The following CAPRIN1 variants were observed in gnomAD, a reference collection of about 807,000 sequenced individuals.
CAPRIN1 encodes the protein cell cycle associated protein 1, also known as caprin-1.
CAPRIN1 carries 29 observed loss-of-function variants against 100.9 expected under a neutral mutation model. The ratio of observed to expected loss-of-function variants is 0.29; its 90% CI spans 0.21 to 0.39. The LOEUF (loss-of-function observed/expected upper bound fraction) is 0.39. Among genes scored for constraint, CAPRIN1 ranks in the 10% least tolerant of loss-of-function variants. The pLI is 1.00. For missense variants in CAPRIN1, 795 were observed against 876.7 expected, an observed-to-expected ratio of 0.91 and a Z score of 1.18; for synonymous variants, 338 against 307.5, an observed-to-expected ratio of 1.10 and a Z score of -1.04.
At chr11:34,063,674 G>C (rs1380004649) in intron 2 of CAPRIN1, among the ~76,000 whole-genome samples, 1 of 152,184 alleles carries the variant, frequency 6.6e-6, no homozygotes, top group Non-Finnish European at 1.5e-5. Flanking sequence ...TATGTGTGCT[G>C]TAAATGGATT....
intron 2 of CAPRIN1, chr11:34,052,869 A>G (rs1565078953): frequency 7.8e-6 from 11 of 1,410,214 alleles, no homozygotes; most frequent in South Asian, 1.5e-5. Flanking sequence ...ACTGTACCCC[A>G]GGCCTCTTTA....
intron 2 of CAPRIN1, chr11:34,053,487 G>C (rs1850379315): frequency 6.6e-6 from 1 of 152,558 alleles, no homozygotes; most frequent in African/African-American, 2.4e-5. Flanking sequence ...CGGCGGCTGC[G>C]GGGAGAGGGA....
chr11:34,065,948 C>CT (rs968097317), intron 2 of CAPRIN1, among the ~76,000 whole-genome samples: 4 of 152,104 alleles, frequency 2.6e-5, no homozygotes, highest in Admixed American at 2.6e-4. Context: ...ATGAAACTTT[C>CT]TTTTTTTATT....
intron 2 of CAPRIN1, among the ~76,000 whole-genome samples, chr11:34,057,662 C>T (rs975975996): frequency 7.2e-5 from 11 of 152,066 alleles, no homozygotes; most frequent in Admixed American, 6.5e-5. Flanking sequence ...AAACTTATAG[C>T]AATTTTGTCA....
rs1187085177 is a variant in CAPRIN1 at position 34,098,912 on chromosome 11, A to G, written c.2066-391A>G. ...TTTTGATAGTATGATGTTACTTACTACTGAAATGTAAGCTAGAGTGTACAC... is the reference window on the plus strand; with the variant it reads ...TTTTGATAGTATGATGTTACTTACTGCTGAAATGTAAGCTAGAGTGTACAC... On this transcript the variant is annotated intron_variant, in intron 18 of 18. Coordinates refer to ENST00000341394, the MANE Select transcript of CAPRIN1 (RefSeq NM_005898.5). The G allele has an allele frequency of 4.9e-6, 5 of 1,014,410 alleles. No individual in the cohort carries two copies. In the African/African-American group the frequency reaches 5.1e-5, roughly 10 times the overall value. The allele number at this position is 1,014,410 out of a possible 1,614,324, so 62.8% of individuals were successfully genotyped here. A position where few individuals can be genotyped will look rare whatever the true frequency, so the allele number is the denominator to read the frequency against.
Position 34,096,660 on chromosome 11 carries a change from C to T in CAPRIN1, c.1887C>T (p.Ala629=). 1 of 1,599,040 alleles carries T rather than the reference C, an allele frequency of 6.3e-7. No individual in the cohort carries two copies. Among genetic ancestry groups the T allele is most frequent in the Non-Finnish European group, 8.6e-7 (1 of 1,168,190 alleles). ...RGLMNGYRGP[A]NGFRGGYDGY... ...TGATGAATGGATACCGGGGCCCTGC[C>T]AATGGATTCAGAGGTAAAAAAATAA... The change falls in exon 16 of 19, where the codon GCC becomes GCT. Residue 629 remains alanine (A), a synonymous_variant. Coordinates refer to ENST00000341394, the MANE Select transcript of CAPRIN1 (RefSeq NM_005898.5).
At chr11:34,064,991 G>T (rs750507197) in intron 2 of CAPRIN1, among the ~76,000 whole-genome samples, 5 of 115,782 alleles carry the variant, frequency 4.3e-5, no homozygotes, top group African/African-American at 1.4e-4. Flanking sequence ...ATGGAGTCTC[G>T]CTCTGTTGCC....
At chr11:34,052,969 G>A (rs942011822) in intron 2 of CAPRIN1, 2 of 1,104,174 alleles carry the variant, frequency 1.8e-6, no homozygotes, top group Non-Finnish European at 2.2e-6. Flanking sequence ...ACTGTATGGT[G>A]CCCTTCTTTC....
At chr11:34,082,067 C>G (rs547049016) in intron 7 of CAPRIN1, among the ~76,000 whole-genome samples, 2 of 152,344 alleles carry the variant, frequency 1.3e-5, no homozygotes, top group Admixed American at 6.5e-5. Context: ...CAACCTCGGC[C>G]TCCCAGAGTG....
intron 2 of CAPRIN1, among the ~76,000 whole-genome samples, chr11:34,069,659 A>ATTTT (rs1554969447): frequency 6.6e-6 from 1 of 151,756 alleles, no homozygotes; most frequent in African/African-American, 2.4e-5. Flanking sequence ...GTAAAAAAAA[A>ATTTT]TTTTTTTCCC....
At chr11:34,090,009 A>G (rs562521652) in intron 12 of CAPRIN1, 170 bp from the exon 13 acceptor site, 9 of 401,258 alleles carry the variant, frequency 2.2e-5, no homozygotes, top group Non-Finnish European at 3.6e-5. Flanking sequence ...TATTTTTGCA[A>G]TTTTTAGGTT....
rs1851273829 is a variant in CAPRIN1, at chr11:34,092,007, G to C, written c.1656G>C (p.Gln552His). 4 of 1,614,128 alleles carry C rather than the reference G, an allele frequency of 2.5e-6. No individual in the cohort carries two copies. The South Asian group carries it at 3.3e-5, about 13-fold the overall frequency. ...GTTATAACCAGAGCTTTTCTAGTCA[G>C]CCTCACCAAGTAGAACAAACAGAGC... The part of the protein sequence containing the change: ...QASYNQSFSS[Q>H]PHQVEQTELQ... Residue 552 changes from glutamine (Q) to histidine (H), a missense_variant, in exon 15 of 19, where the codon CAG (glutamine) becomes CAC (histidine). By Grantham distance (24) the Gln-to-His change is conservative. Coordinates refer to ENST00000341394, the MANE Select transcript of CAPRIN1 (RefSeq NM_005898.5).
rs778405913 is a variant in CAPRIN1, at chr11:34,090,534, A to C, written c.1410A>C (p.Thr470=). Residue 470 remains threonine (T), a synonymous_variant, in exon 14 of 19, where the codon ACA becomes ACC. Coordinates refer to ENST00000341394, the MANE Select transcript of CAPRIN1 (RefSeq NM_005898.5). ...QKEPIDQIQA[T]ISLNTDQTTA... is the part of the protein sequence containing the mutation. Reference sequence around the variant, plus strand: ...TCTATTCACTTTGTGTTTAGGCAACAATCTCTTTAAATACAGACCAGACTA... The same window carrying C: ...TCTATTCACTTTGTGTTTAGGCAACCATCTCTTTAAATACAGACCAGACTA... 1.2e-6 allele frequency: 2 copies of C among 1,611,794 alleles called. No individual in the cohort carries two copies. The highest frequency in any genetic ancestry group is 2.2e-5 in the East Asian group (1 of 44,812).
intron 7 of CAPRIN1, among the ~76,000 whole-genome samples, chr11:34,081,132 T>C (rs980708830): frequency 3.3e-5 from 5 of 152,200 alleles, no homozygotes; most frequent in African/African-American, 1.2e-4. Context: ...TAATTAACTT[T>C]ATAAATAAGT....
Position 34,097,702 on chromosome 11 carries a change from G to T in CAPRIN1, c.2006G>T (p.Gly669Val), listed in dbSNP as rs1415833243. Residue 669 changes from glycine (G) to valine (V), a missense_variant, in exon 18 of 19, where the codon GGA (glycine) becomes GTA (valine). Gly to Val is a moderately radical substitution (Grantham distance 109). Around this residue, in one of 3 missense-constraint regions of CAPRIN1, gnomAD observed 648 missense variants for 697.9 expected, o/e 0.93. Coordinates refer to ENST00000341394, the MANE Select transcript of CAPRIN1 (RefSeq NM_005898.5). Reference protein sequence around the residue: ...PRDYSGYQRDGYQQNFKRGSG... With the variant: ...PRDYSGYQRDVYQQNFKRGSG... ...ACTAACTAGCTTGTCTTTTAGGATGGATATCAGCAGAATTTCAAGCGAGGC... is the reference window on the plus strand; with the variant it reads ...ACTAACTAGCTTGTCTTTTAGGATGTATATCAGCAGAATTTCAAGCGAGGC... The T allele has an allele frequency of 1.2e-6, 2 of 1,613,958 alleles. No individual in the cohort carries two copies. Among genetic ancestry groups the T allele is most frequent in the South Asian group, 1.1e-5 (1 of 91,090 alleles).
chr11:34,077,501 G>A (rs533128171), intron 6 of CAPRIN1, among the ~76,000 whole-genome samples: 2 of 152,228 alleles, frequency 1.3e-5, no homozygotes, highest in Non-Finnish European at 1.5e-5. Context: ...ACATGCAACT[G>A]TGAACTGATT....
At chr11:34,082,693 T>A in intron 7 of CAPRIN1, 132 bp from the exon 8 acceptor site, 1 of 676,224 alleles carries the variant, frequency 1.5e-6, no homozygotes, top group Non-Finnish European at 2.6e-6. Flanking sequence ...CATATGGGTT[T>A]ACTCTTATTG....
chr11:34,073,311 T>C lies in CAPRIN1; in HGVS notation c.366+1324T>C, dbSNP rs75101941. On this transcript the variant is annotated intron_variant, in intron 4 of 18. Coordinates refer to ENST00000341394, the MANE Select transcript of CAPRIN1 (RefSeq NM_005898.5). Reference sequence around the variant, plus strand: ...AGGTTTTCCAGAGAAACAGATCCAATAGGATAGAAAGGGGGCTGATGGGCA... The same window carrying C: ...AGGTTTTCCAGAGAAACAGATCCAACAGGATAGAAAGGGGGCTGATGGGCA... Among the ~76,000 whole-genome samples the C allele has an allele frequency of 7.0e-3, 1,068 of 152,272 alleles. 9 individuals are homozygous for C. The highest frequency in any genetic ancestry group is 0.01 in the Non-Finnish European group (708 of 68,022).
chr11:34,052,009 C>T (rs1384701535), intron 1 of CAPRIN1, 138 bp downstream of exon 1: 1 of 151,518 alleles, frequency 6.6e-6, no homozygotes, highest in Non-Finnish European at 1.5e-5. Context: ...TTTCCCATGC[C>T]CTTCTCTGCC....
Sources: allele counts gnomAD v4.1 joint callset (sites outside exome capture counted in the v4.1 genomes callset), GRCh38; gene constraint gnomAD v4.1.1; regional missense constraint gnomAD v4.1.1; transcripts MANE v1.5; gene names NCBI Gene and HGNC (gene_info 2026-07-23, HGNC 2026-07-21).